RALYL: variants seen among roughly 807,000 people sequenced by gnomAD.
RALYL encodes the protein RNA-binding Raly-like protein.
A neutral mutation model predicts 35.1 loss-of-function variants in RALYL; 29 were observed. The observed-to-expected ratio is 0.83, with a 90% CI of 0.61 to 1.13. The LOEUF (loss-of-function observed/expected upper bound fraction) is 1.13, where lower values mean the gene tolerates loss of function less well. RALYL is among the 50% of genes most tolerant of loss of function. RALYL has a pLI of 0.00. For synonymous variants in RALYL, 120 were observed against 127.6 expected (o/e 0.94, Z 0.40); for missense variants, 359 against 360.4 (o/e 1.00, Z 0.03).
intron 2 of RALYL, among the ~76,000 whole-genome samples, chr8:84,571,299 A>G (rs566125813): frequency 1.3e-5 from 2 of 151,784 alleles, no homozygotes; most frequent in South Asian, 2.1e-4. Flanking sequence ...ATTACTCATT[A>G]TTGGTCTATT....
chr8:84,601,538 T>C (rs1033377815), intron 2 of RALYL, among the ~76,000 whole-genome samples: 1 of 152,032 alleles, frequency 6.6e-6, no homozygotes, highest in Non-Finnish European at 1.5e-5. Context: ...GAAGCTGGTT[T>C]TGCTCTGCTT....
intron 1 of RALYL, among the ~76,000 whole-genome samples, chr8:84,277,056 T>C (rs1305049868): frequency 6.6e-6 from 1 of 152,246 alleles, no homozygotes; most frequent in African/African-American, 2.4e-5. Flanking sequence ...TTTATATCTC[T>C]ACTGTGTCTT....
chr8:84,664,263 ATTTTT>A (rs60423756), intron 2 of RALYL, among the ~76,000 whole-genome samples: 10 of 58,050 alleles, frequency 1.7e-4, no homozygotes, highest in African/African-American at 5.2e-4. Flanking sequence ...ATGCCTCTAG[ATTTTT>A]TTTTTTTTTT....
chr8:84,472,450 C>A (rs1041601545), intron 1 of RALYL, among the ~76,000 whole-genome samples: 1 of 151,962 alleles, frequency 6.6e-6, no homozygotes, highest in Non-Finnish European at 1.5e-5. Context: ...GATTTGGACA[C>A]GCAAAGAGAA....
chr8:84,842,611 A>C (rs1157480441), intron 4 of RALYL, among the ~76,000 whole-genome samples: 1 of 152,114 alleles, frequency 6.6e-6, no homozygotes, highest in East Asian at 1.9e-4. Flanking sequence ...CTCCCTAACT[A>C]ATTTTATGAG....
At chr8:84,467,638 T>C (rs2133575270) in intron 1 of RALYL, among the ~76,000 whole-genome samples, 2 of 152,148 alleles carry the variant, frequency 1.3e-5, no homozygotes, top group East Asian at 3.9e-4. Context: ...GGGTGGACAG[T>C]TCTGTAGATG....
chr8:84,342,506 C>T lies in RALYL; in HGVS notation c.-24+158082C>T, dbSNP rs150046543. Among the ~76,000 whole-genome samples, 613 of 151,128 alleles carry T rather than the reference C, an allele frequency of 4.1e-3. 7 individuals carry two copies. The highest frequency in any genetic ancestry group is 0.014 in the African/African-American group (568 of 41,112). ...CCAAAAGCTTTGGTGCTTGAAGAAGCGAATTTCTATTATCTAGAAAAATCA... is the reference window on the plus strand; with the variant it reads ...CCAAAAGCTTTGGTGCTTGAAGAAGTGAATTTCTATTATCTAGAAAAATCA... On this transcript the variant is annotated intron_variant, in intron 1 of 8. Coordinates refer to ENST00000521268, the MANE Select transcript of RALYL (RefSeq NM_173848.7).
At chr8:84,244,253 A>G (rs1205131546) in intron 1 of RALYL, among the ~76,000 whole-genome samples, 1 of 152,152 alleles carries the variant, frequency 6.6e-6, no homozygotes, top group Admixed American at 6.6e-5. Flanking sequence ...ACTGGGTTTG[A>G]CTCAAAGATA....
rs148194339 is a variant in RALYL at position 84,872,506 on chromosome 8, G to A, written c.572-778G>A. 1.8e-3 allele frequency: 273 copies of A among 152,206 alleles called. 4 individuals carry two copies. Among genetic ancestry groups the A allele is most frequent in the African/African-American group, 6.4e-3 (267 of 41,530 alleles). 9.4% of individuals were successfully genotyped at this position (152,206 alleles called of 1,614,324 possible). ...CTTTTTCCCTTATAAAATAATTACT[G>A]TAGTCAATAGTAGGCTATTTATTGT... On this transcript the variant is annotated intron_variant, in intron 6 of 8. Coordinates refer to ENST00000521268, the MANE Select transcript of RALYL (RefSeq NM_173848.7).
At chr8:84,395,714 C>T (rs1460882396) in intron 1 of RALYL, among the ~76,000 whole-genome samples, 1 of 151,484 alleles carries the variant, frequency 6.6e-6, no homozygotes, top group African/African-American at 2.4e-5. Flanking sequence ...TAACAGAGAA[C>T]ATTTGTGTGA....
At chr8:84,385,395 A>T (rs1018684844) in intron 1 of RALYL, among the ~76,000 whole-genome samples, 1 of 151,852 alleles carries the variant, frequency 6.6e-6, no homozygotes, top group African/African-American at 2.4e-5. Flanking sequence ...TAATTATATA[A>T]GACAAAAGAT....
chr8:84,601,415 C>T (rs1330864846), intron 2 of RALYL, among the ~76,000 whole-genome samples: 2 of 152,076 alleles, frequency 1.3e-5, no homozygotes, highest in Non-Finnish European at 1.5e-5. Context: ...ATGCTGGCCT[C>T]TATGAGAAAT....
At chr8:84,265,164 A>G (rs1319451623) in intron 1 of RALYL, among the ~76,000 whole-genome samples, 1 of 152,192 alleles carries the variant, frequency 6.6e-6, no homozygotes, top group Non-Finnish European at 1.5e-5. Flanking sequence ...AGCCCCCTAA[A>G]GTTGTCTGTA....
chr8:84,848,423 A>G (rs1835109648), intron 4 of RALYL, among the ~76,000 whole-genome samples: 1 of 139,704 alleles, frequency 7.2e-6, no homozygotes. Context: ...GTGTATATAT[A>G]TATGTGTGTG....
intron 2 of RALYL, among the ~76,000 whole-genome samples, chr8:84,625,982 G>C (rs529256930): frequency 6.6e-6 from 1 of 152,200 alleles, no homozygotes; most frequent in African/African-American, 2.4e-5. Context: ...AGGTAATTCA[G>C]AGACAGGGGC....
intron 2 of RALYL, 21 bp downstream of exon 2, chr8:84,529,598 G>T: frequency 6.3e-7 from 1 of 1,594,768 alleles, no homozygotes; most frequent in Non-Finnish European, 8.6e-7. Flanking sequence ...CTCAGACATG[G>T]ATCTCACGTT....
chr8:84,310,615 A>T (rs188986815), intron 1 of RALYL, among the ~76,000 whole-genome samples: 39 of 152,334 alleles, frequency 2.6e-4, no homozygotes, highest in African/African-American at 9.4e-4. Context: ...AAAATGGCAC[A>T]AATTATGTTC....
chr8:84,605,193 G>T (rs1405058166), intron 2 of RALYL, among the ~76,000 whole-genome samples: 4 of 152,028 alleles, frequency 2.6e-5, no homozygotes, highest in African/African-American at 9.7e-5. Flanking sequence ...AGCTTCATTT[G>T]AGGATTTTCA....
At chr8:84,405,500 G>T (rs951719646) in intron 1 of RALYL, among the ~76,000 whole-genome samples, 2 of 151,916 alleles carry the variant, frequency 1.3e-5, no homozygotes, top group African/African-American at 4.8e-5. Flanking sequence ...GAATCATATA[G>T]ACACAATAAA....
Sources: gnomAD v4.1 joint callset for allele counts (sites outside exome capture counted in the v4.1 genomes callset) on GRCh38, gnomAD v4.1.1 for gene constraint, MANE v1.5 for transcripts, NCBI Gene and HGNC (gene_info 2026-07-23, HGNC 2026-07-21) for gene names.